The following SRPK2 variants were observed in gnomAD, a reference collection of about 807,000 sequenced individuals.
SRPK2 encodes SFRS protein kinase 2.
In SRPK2, 21 loss-of-function variants were observed where a neutral mutation model predicts 90.8. That is an observed-to-expected ratio of 0.23 (90% CI 0.16 to 0.33). The LOEUF is 0.33. Ranked by LOEUF, SRPK2 falls within the 10% of genes least tolerant of loss-of-function variation. The pLI, the probability that SRPK2 is intolerant of heterozygous loss-of-function variation, is 1.00. For missense variants in SRPK2, 620 were observed against 869.0 expected (o/e 0.71, Z 3.60); for synonymous variants, 288 against 311.1 (o/e 0.93, Z 0.78).
intron 2 of SRPK2, among the ~76,000 whole-genome samples, chr7:105,354,165 C>T (rs1377846930): frequency 6.6e-6 from 1 of 152,144 alleles, no homozygotes; most frequent in Non-Finnish European, 1.5e-5. Context: ...GGGTTTGGGG[C>T]TAAGTTGACA....
intron 3 of SRPK2, among the ~76,000 whole-genome samples, chr7:105,170,217 G>C (rs1790633472): frequency 1.3e-5 from 2 of 152,022 alleles, no homozygotes; most frequent in Non-Finnish European, 2.9e-5. Flanking sequence ...AATCTTTTTG[G>C]ATATGTGCAA....
chr7:105,231,621 G>C (rs2129619803), intron 2 of SRPK2, among the ~76,000 whole-genome samples: 1 of 152,286 alleles, frequency 6.6e-6, no homozygotes, highest in East Asian at 1.9e-4. Context: ...ATTGATGTGA[G>C]ATAATACTTC....
chr7:105,208,904 T>G (rs1796523799), intron 2 of SRPK2, among the ~76,000 whole-genome samples: 1 of 152,154 alleles, frequency 6.6e-6, no homozygotes, highest in Non-Finnish European at 1.5e-5. Context: ...GGAGGATCGC[T>G]TGAGCCCAGG....
chr7:105,149,713 G>A (rs1174862161), intron 7 of SRPK2, among the ~76,000 whole-genome samples: 3 of 152,160 alleles, frequency 2.0e-5, no homozygotes, highest in African/African-American at 2.4e-5. Flanking sequence ...GAAGGCATCT[G>A]ATCAACAGTA....
intron 2 of SRPK2, among the ~76,000 whole-genome samples, chr7:105,218,484 T>C (rs1324954671): frequency 6.6e-6 from 1 of 152,166 alleles, no homozygotes; most frequent in Admixed American, 6.5e-5. Flanking sequence ...GGGTGTCAAC[T>C]GGCAATGCAC....
At chr7:105,322,496 T>C (rs1000980381) in intron 2 of SRPK2, among the ~76,000 whole-genome samples, 2 of 152,198 alleles carry the variant, frequency 1.3e-5, no homozygotes, top group South Asian at 4.1e-4. Flanking sequence ...TCATGTGTTA[T>C]ATAATTGCAT....
intron 2 of SRPK2, among the ~76,000 whole-genome samples, chr7:105,289,286 T>A (rs553351626): frequency 1.4e-5 from 2 of 145,978 alleles, no homozygotes; most frequent in African/African-American, 2.5e-5. Flanking sequence ...AAAAAATAAA[T>A]AAAAAAAAAA....
intron 2 of SRPK2, among the ~76,000 whole-genome samples, chr7:105,335,381 T>C (rs1814971636): frequency 6.6e-6 from 1 of 152,160 alleles, no homozygotes; most frequent in South Asian, 2.1e-4. Flanking sequence ...AACCTTGGGC[T>C]GGATGTCGTG....
At chr7:105,291,494 C>CGAG (rs1352687226) in intron 2 of SRPK2, among the ~76,000 whole-genome samples, 1 of 151,810 alleles carries the variant, frequency 6.6e-6, no homozygotes. Context: ...TTTGTGAGGC[C>CGAG]GAGGCAGGTG....
chr7:105,331,326 A>C (rs1298405136), intron 2 of SRPK2, among the ~76,000 whole-genome samples: 3 of 144,438 alleles, frequency 2.1e-5, no homozygotes, highest in African/African-American at 7.5e-5. Context: ...AAAAAAAAAA[A>C]AAAAAAAAAA....
intron 2 of SRPK2, among the ~76,000 whole-genome samples, chr7:105,315,691 T>C (rs1812228058): frequency 6.6e-6 from 1 of 152,176 alleles, no homozygotes; most frequent in Non-Finnish European, 1.5e-5. Context: ...ATCCCTAAAG[T>C]CACTTATAAC....
At chr7:105,179,400 G>T (rs550330310) in intron 3 of SRPK2, among the ~76,000 whole-genome samples, 1 of 152,136 alleles carries the variant, frequency 6.6e-6, no homozygotes, top group Non-Finnish European at 1.5e-5. Context: ...AAATGAGCAG[G>T]TCAGAGTTAA....
At chr7:105,116,321 G>A (rs1799620423), downstream of SRPK2, 1 of 152,180 alleles carries the variant, frequency 6.6e-6, no homozygotes. Flanking sequence ...ACACTACTCT[G>A]ATAGCAAATG....
chr7:105,216,693 CACA>C (rs1797516862), intron 2 of SRPK2, among the ~76,000 whole-genome samples: 1 of 151,532 alleles, frequency 6.6e-6, no homozygotes, highest in African/African-American at 2.4e-5. Flanking sequence ...GAGACACCAC[CACA>C]ACAACAAAAT....
chr7:105,245,308 C>A (rs907653138), intron 2 of SRPK2, among the ~76,000 whole-genome samples: 3 of 152,026 alleles, frequency 2.0e-5, no homozygotes, highest in Non-Finnish European at 4.4e-5. Flanking sequence ...GTAAGGGCAG[C>A]GTGCAGGGGA....
intron 3 of SRPK2, among the ~76,000 whole-genome samples, chr7:105,186,037 G>A (rs73186009): frequency 0.19 from 28,630 of 152,086 alleles, 3,485 homozygotes; most frequent in Admixed American, 0.25. Context: ...GCTATGGGAC[G>A]AATATGTCTT....
chr7:105,337,516 T>C (rs1411713543), intron 2 of SRPK2, among the ~76,000 whole-genome samples: 2 of 151,890 alleles, frequency 1.3e-5, no homozygotes, highest in East Asian at 1.9e-4. Flanking sequence ...GGTTTCACCA[T>C]GTTGGCCAGG....
At chr7:105,208,584 G>T (rs1796481408) in intron 2 of SRPK2, among the ~76,000 whole-genome samples, 1 of 152,126 alleles carries the variant, frequency 6.6e-6, no homozygotes, top group African/African-American at 2.4e-5. Flanking sequence ...GTCTAGAACA[G>T]ATAAATTTAT....
At chr7:105,174,309 G>T (rs1294590904) in intron 3 of SRPK2, among the ~76,000 whole-genome samples, 1 of 151,772 alleles carries the variant, frequency 6.6e-6, no homozygotes. Flanking sequence ...CAAAGATAAA[G>T]GTTCCCTTTT....
Sources: allele counts gnomAD v4.1 joint callset (sites outside exome capture counted in the v4.1 genomes callset), GRCh38; gene constraint gnomAD v4.1.1; transcripts MANE v1.5; gene names NCBI Gene and HGNC (gene_info 2026-07-23, HGNC 2026-07-21).